NMNAT2: variants seen among roughly 807,000 people sequenced by gnomAD.
NMNAT2 encodes the protein nicotinamide nucleotide adenylyltransferase 2, also known as nicotinamide/nicotinic acid mononucleotide adenylyltransferase 2.
A neutral mutation model predicts 41.6 loss-of-function variants in NMNAT2; 11 were observed. The observed-to-expected ratio is 0.26, with a 90% CI of 0.17 to 0.44. The LOEUF (loss-of-function observed/expected upper bound fraction) is 0.44. NMNAT2 is among the 20% of genes least tolerant of loss of function. The pLI is 1.00. For missense variants in NMNAT2, 288 were observed against 407.7 expected (o/e 0.71, Z 2.53); for synonymous variants, 148 against 151.2 (o/e 0.98, Z 0.16).
Position 183,270,024 on chromosome 1 carries a change from C to T in NMNAT2, c.651+8529G>A, listed in dbSNP as rs570118318. On this transcript the variant is annotated intron_variant, in intron 8 of 10. Transcript: ENST00000287713. ...TCAGCCTCCCAAGTAGCTGGGACTACAGGCACCCGCAACCACGCCCGGCTA... is the reference window on the plus strand; with the variant it reads ...TCAGCCTCCCAAGTAGCTGGGACTATAGGCACCCGCAACCACGCCCGGCTA... Among the ~76,000 whole-genome samples, 4 of 152,286 alleles carry T rather than the reference C, an allele frequency of 2.6e-5. No individual in the cohort carries two copies. In the South Asian group the frequency reaches 8.3e-4, roughly 32 times the overall value.
At chr1:183,383,442 C>A (rs1017813522) in intron 1 of NMNAT2, among the ~76,000 whole-genome samples, 3 of 152,234 alleles carry the variant, frequency 2.0e-5, no homozygotes, top group Non-Finnish European at 2.9e-5. Flanking sequence ...ATTCCTCCCC[C>A]CAAAATGGGT....
chr1:183,253,915 G>A (rs1316201958), intron 10 of NMNAT2, among the ~76,000 whole-genome samples: 1 of 136,650 alleles, frequency 7.3e-6, no homozygotes, highest in African/African-American at 3.3e-5. Flanking sequence ...GTGTGTGTGT[G>A]TGTGTGTGTG....
intron 1 of NMNAT2, among the ~76,000 whole-genome samples, chr1:183,393,756 A>C (rs888952352): frequency 6.6e-6 from 1 of 152,106 alleles, no homozygotes; most frequent in African/African-American, 2.4e-5. Context: ...GAGTTTCACC[A>C]TGTTGGCCAG....
chr1:183,357,386 C>T (rs1280125960), intron 1 of NMNAT2, among the ~76,000 whole-genome samples: 4 of 151,788 alleles, frequency 2.6e-5, no homozygotes, highest in Non-Finnish European at 5.9e-5. Context: ...CCTGCCACCA[C>T]GCCCGGCTAA....
chr1:183,295,772 C>A (rs1217436256), intron 1 of NMNAT2, among the ~76,000 whole-genome samples: 3 of 152,106 alleles, frequency 2.0e-5, no homozygotes, highest in Non-Finnish European at 2.9e-5. Context: ...CAGTATGTAC[C>A]CTCTTTGGAC....
chr1:183,332,949 C>T lies in NMNAT2; in HGVS notation c.86-39156G>A, dbSNP rs115142151. 1.3e-3 allele frequency among the ~76,000 whole-genome samples: 199 copies of T among 152,292 alleles called. 1 individual carries two copies. The highest frequency in any genetic ancestry group is 4.6e-3 in the African/African-American group (193 of 41,566). ...CAGCCTATTGGGAACCCCAGGGTGA[C>T]AGCTCTCAGAGATGATGATCTTAGG... On this transcript the variant is annotated intron_variant, in intron 1 of 10. Coordinates refer to ENST00000287713, the MANE Select transcript of NMNAT2 (RefSeq NM_015039.4).
rs530457977 is a variant in NMNAT2, at chr1:183,399,083, G to C, written c.85+19100C>G. On this transcript the variant is annotated intron_variant, in intron 1 of 10. Coordinates refer to ENST00000287713, the MANE Select transcript of NMNAT2 (RefSeq NM_015039.4). The stretch of plus-strand genomic sequence containing the variant: ...GATCAGAGCAGAACTGAAGGAGATA[G>C]AGACACAAAAAAACCTTCAAAAAAT... Among the ~76,000 whole-genome samples, 380 of 152,166 alleles carry C rather than the reference G, an allele frequency of 2.5e-3. 1 individual carries two copies. The highest frequency in any genetic ancestry group is 3.9e-3 in the Non-Finnish European group (268 of 68,008).
chr1:183,353,730 C>T (rs992644570), intron 1 of NMNAT2, among the ~76,000 whole-genome samples: 1 of 152,152 alleles, frequency 6.6e-6, no homozygotes, highest in African/African-American at 2.4e-5. Context: ...TGCTGGATTG[C>T]TGGTCTCAAA....
At position 183,304,561 on chromosome 1, in the gene NMNAT2, C is replaced by G; in HGVS notation, c.86-10768G>C. ...AACAGGCATGCACAGAGCAGCCCTG[C>G]AAACCTTGAGAAGCTCCGCTGGAGA... On this transcript the variant is annotated intron_variant, in intron 1 of 10. Coordinates refer to ENST00000287713, the MANE Select transcript of NMNAT2 (RefSeq NM_015039.4). 4 of 1,046,586 alleles carry G rather than the reference C, an allele frequency of 3.8e-6. 1 individual carries two copies. The South Asian group carries it at 5.5e-5, about 14-fold the overall frequency. The allele number at this position is 1,046,586 out of a possible 1,614,324, so 64.8% of individuals were successfully genotyped here. A position where few individuals can be genotyped will look rare whatever the true frequency, so the allele number is the denominator to read the frequency against.
intron 1 of NMNAT2, among the ~76,000 whole-genome samples, chr1:183,338,972 G>A (rs1324331152): frequency 6.6e-6 from 1 of 152,166 alleles, no homozygotes; most frequent in Non-Finnish European, 1.5e-5. Flanking sequence ...AGAGCCAAGT[G>A]CCTCTATTTA....
chr1:183,349,691 G>C (rs1206650848), intron 1 of NMNAT2, among the ~76,000 whole-genome samples: 1 of 152,236 alleles, frequency 6.6e-6, no homozygotes, highest in Non-Finnish European at 1.5e-5. Context: ...CCTGGGCCCA[G>C]AAGGTAAAAG....
At chr1:183,298,981 T>C (rs1661776235) in intron 1 of NMNAT2, among the ~76,000 whole-genome samples, 1 of 152,246 alleles carries the variant, frequency 6.6e-6, no homozygotes, top group Admixed American at 6.5e-5. Context: ...TTATTTGTAA[T>C]AATCAAATAC....
At chr1:183,327,919 C>T (rs550609157) in intron 1 of NMNAT2, among the ~76,000 whole-genome samples, 1 of 152,242 alleles carries the variant, frequency 6.6e-6, no homozygotes, top group Non-Finnish European at 1.5e-5. Flanking sequence ...GAGGAGCTGG[C>T]ACTGAACACT....
At chr1:183,325,382 C>T (rs921419035) in intron 1 of NMNAT2, among the ~76,000 whole-genome samples, 1 of 152,186 alleles carries the variant, frequency 6.6e-6, no homozygotes, top group Non-Finnish European at 1.5e-5. Context: ...TGTTTAAGAA[C>T]TAAAATTCAT....
At chr1:183,268,540 C>T (rs1362275982) in intron 8 of NMNAT2, among the ~76,000 whole-genome samples, 1 of 152,106 alleles carries the variant, frequency 6.6e-6, no homozygotes, top group African/African-American at 2.4e-5. Context: ...TGGGTCATAT[C>T]CCATGGGGGA....
At chr1:183,398,137 C>T (rs1240413361) in intron 1 of NMNAT2, among the ~76,000 whole-genome samples, 1 of 152,090 alleles carries the variant, frequency 6.6e-6, no homozygotes, top group Non-Finnish European at 1.5e-5. Flanking sequence ...AGAGTCAAGA[C>T]CTATCAGTGT....
chr1:183,379,902 T>A (rs561057682), intron 1 of NMNAT2, among the ~76,000 whole-genome samples: 2 of 152,370 alleles, frequency 1.3e-5, no homozygotes, highest in East Asian at 3.9e-4. Context: ...TAAACTTTTC[T>A]TTCTAATCCA....
chr1:183,379,455 A>G (rs1317116193), intron 1 of NMNAT2, among the ~76,000 whole-genome samples: 4 of 152,182 alleles, frequency 2.6e-5, no homozygotes, highest in African/African-American at 9.6e-5. Context: ...GGTTGACATT[A>G]TAGGTATGAG....
chr1:183,291,801 T>A (rs1661546756), intron 3 of NMNAT2, among the ~76,000 whole-genome samples: 1 of 152,236 alleles, frequency 6.6e-6, no homozygotes, highest in African/African-American at 2.4e-5. Context: ...TTCATTTCTC[T>A]GGGCCTGTTT....
Sources: gnomAD v4.1 joint callset for allele counts (sites outside exome capture counted in the v4.1 genomes callset) on GRCh38, gnomAD v4.1.1 for gene constraint, MANE v1.5 for transcripts, NCBI Gene and HGNC (gene_info 2026-07-23, HGNC 2026-07-21) for gene names.